Variants in ALG13 observed in about 807,000 individuals in gnomAD.
ALG13 encodes UDP-N-acetylglucosamine transferase subunit ALG13.
In ALG13, 11 loss-of-function variants were observed where a neutral mutation model predicts 87.8. The ratio of observed to expected loss-of-function variants is 0.13; its 90% CI spans 0.08 to 0.21. ALG13 has a LOEUF of 0.21. ALG13 is among the 10% of genes least tolerant of loss of function. ALG13 has a pLI of 1.00. For synonymous variants in ALG13, 320 were observed against 306.3 expected, an observed-to-expected ratio of 1.04 and a Z score of -0.47; for missense variants, 756 against 866.1, an observed-to-expected ratio of 0.87 and a Z score of 1.60.
chrX:111,718,256 A>G lies in ALG13; in HGVS notation c.1232A>G (p.Lys411Arg), dbSNP rs1222285164. Reference sequence around the variant, plus strand: ...AGCGAGGATGCCCATACTGATTACAAGAGTTCAAATCAGAATAGGTAATAA... The same window carrying G: ...AGCGAGGATGCCCATACTGATTACAGGAGTTCAAATCAGAATAGGTAATAA... Reference protein sequence around the residue: ...TGSEDAHTDYKSSNQNRMEEW... With the variant: ...TGSEDAHTDYRSSNQNRMEEW... The change falls in exon 10 of 27, where the codon AAG (lysine) becomes AGG (arginine). Residue 411 changes from lysine (K) to arginine (R), a missense_variant. Physicochemically the swap from Lys to Arg is conservative, Grantham distance 26 (BLOSUM62 2). This residue lies in a region of ALG13 where 48 missense variants were observed against 50.5 expected (regional missense o/e 0.95). Transcript: ENST00000394780. 1 of 1,192,108 alleles carries G rather than the reference A, an allele frequency of 8.4e-7. No homozygotes were observed. Among genetic ancestry groups the G allele is most frequent in the Non-Finnish European group, 1.1e-6 (1 of 885,113 alleles).
chrX:111,710,241 C>T (rs756442752), intron 5 of ALG13, among the ~76,000 whole-genome samples: 1 of 110,588 alleles, frequency 9.0e-6, no homozygotes, highest in Non-Finnish European at 1.9e-5. Flanking sequence ...CCATGTTGCC[C>T]AGACTGGTCT....
Position 111,682,142 on chromosome X carries a change from G to A in ALG13, c.92G>A (p.Ser31Asn), listed in dbSNP as rs762337561. The change falls in exon 2 of 27, where the codon AGC (serine) becomes AAC (asparagine). Residue 31 changes from serine (S) to asparagine (N), a missense_variant. Physicochemically the swap from Ser to Asn is conservative, Grantham distance 46. This residue lies in a region of ALG13 where 153 missense variants were observed against 168.7 expected (regional missense o/e 0.91). Transcript: ENST00000394780. ...GATTTCCTCTTTCAGAAAATCGAGA[G>A]CCTTGGTTACAACCGACTTATCCTG... is the stretch of plus-strand genomic sequence containing the variant. ...SAPDSLQKIE[S>N]LGYNRLILQI... 2 of 1,179,361 alleles carry A rather than the reference G, an allele frequency of 1.7e-6. No homozygotes were observed. Among genetic ancestry groups the A allele is most frequent in the Admixed American group, 2.5e-5 (1 of 40,329 alleles).
At position 111,685,102 on chromosome X, in the gene ALG13, A is replaced by G. The variant is rs1934600580; in HGVS notation, c.382A>G (p.Arg128Gly). 2 of 1,205,570 alleles carry G rather than the reference A, an allele frequency of 1.7e-6. No homozygotes were observed. The highest frequency in any genetic ancestry group is 1.8e-5 in the South Asian group (1 of 55,818). Reference protein sequence around the residue: ...KEGHLFYCTCRVLTCPGQAKS... With the variant: ...KEGHLFYCTCGVLTCPGQAKS... ...GGGTCATCTCTTCTATTGTACCTGC[A>G]GGTATGCTAGAGACTGATTATTATT... The change falls in exon 3 of 27, where the codon AGG (arginine) becomes GGG (glycine). Residue 128 changes from arginine (R) to glycine (G), a missense_variant and splice_region_variant. Around this residue, in one of 9 missense-constraint regions of ALG13, gnomAD observed 153 missense variants for 168.7 expected, o/e 0.91. Transcript: ENST00000394780.
intron 15 of ALG13, 38 bp from the exon 16 acceptor site, chrX:111,726,771 T>A (rs1942095213): frequency 5.0e-6 from 6 of 1,205,114 alleles, no homozygotes; most frequent in Non-Finnish European, 6.7e-6. Context: ...TTGCTTTGAT[T>A]ATGAAGCTTA....
intron 3 of ALG13, chrX:111,689,385 T>C (rs372656175): frequency 1.3e-6 from 1 of 753,679 alleles, no homozygotes. Context: ...TAGTTTATGA[T>C]GAAGAATTAA....
intron 25 of ALG13, among the ~76,000 whole-genome samples, chrX:111,756,473 CTG>C (rs988276516): frequency 4.5e-5 from 5 of 111,771 alleles, no homozygotes; most frequent in East Asian, 2.8e-4. Context: ...TTGCTCAACA[CTG>C]TTTTTTCACC....
chrX:111,744,746 C>G lies in ALG13; in HGVS notation c.2774C>G (p.Pro925Arg). 1 of 1,066,446 alleles carries G rather than the reference C, an allele frequency of 9.4e-7. No individual in the cohort carries two copies. The highest frequency in any genetic ancestry group is 1.2e-6 in the Non-Finnish European group (1 of 812,500). The allele number at this position is 1,066,446 out of a possible 1,213,427, so 87.9% of individuals were successfully genotyped here. Residue 925 changes from proline to arginine, a missense_variant, in exon 24 of 27, where the codon CCA becomes CGA. Pro to Arg is a moderately radical substitution (Grantham distance 103, BLOSUM62 -2). This residue lies in a region of ALG13 where 362 missense variants were observed against 383.5 expected (regional missense o/e 0.94). Coordinates refer to ENST00000394780, the MANE Select transcript of ALG13 (RefSeq NM_001099922.3). ...TCTCTACCACCACCACCACCACCAC[C>G]ACCACCACCACCACCACCACCACCT... ...GASLPPPPPP[P>R]PPPPPPPPPP...
At chrX:111,723,757 A>G (rs1200230416) in intron 13 of ALG13, 41 bp from the exon 14 acceptor site, 3 of 866,951 alleles carry the variant, frequency 3.5e-6, no homozygotes, top group Non-Finnish European at 4.9e-6. Flanking sequence ...CATTAGCTGT[A>G]TCTGTCACTA....
intron 2 of ALG13, among the ~76,000 whole-genome samples, chrX:111,683,125 T>G (rs1378931275): frequency 9.1e-6 from 1 of 110,211 alleles, no homozygotes; most frequent in Non-Finnish European, 1.9e-5. Context: ...GGCACTGCTC[T>G]GAATGCTTTG....
chrX:111,733,944 G>A (rs1482526486), intron 21 of ALG13, among the ~76,000 whole-genome samples: 7 of 111,990 alleles, frequency 6.3e-5, no homozygotes, highest in African/African-American at 2.3e-4. Context: ...TTGACCATTT[G>A]TATATCTTCT....
intron 25 of ALG13, chrX:111,753,168 T>G: frequency 7.1e-6 from 1 of 140,692 alleles, no homozygotes; most frequent in Non-Finnish European, 1.4e-5. Context: ...CCTAAAATAT[T>G]TTTATGACTA....
intron 23 of ALG13, among the ~76,000 whole-genome samples, chrX:111,738,606 A>G (rs1007395522): frequency 7.2e-5 from 8 of 111,726 alleles, no homozygotes; most frequent in African/African-American, 2.3e-4. Context: ...TGACATGATC[A>G]TGGCTCACTG....
At chrX:111,693,262 T>TTA (rs1556463776) in intron 3 of ALG13, among the ~76,000 whole-genome samples, 2 of 100,551 alleles carry the variant, frequency 2.0e-5, no homozygotes, top group African/African-American at 7.3e-5. Context: ...TGCTATTTAT[T>TTA]TTTTTTTTTT....
At chrX:111,688,123 A>G (rs1008887637) in intron 3 of ALG13, 12 of 851,299 alleles carry the variant, frequency 1.4e-5, no homozygotes, top group Non-Finnish European at 1.6e-5. Context: ...TCCTACATCT[A>G]TAGAATGTAT....
At chrX:111,738,562 G>A (rs192172679) in intron 23 of ALG13, among the ~76,000 whole-genome samples, 61 of 111,417 alleles carry the variant, frequency 5.5e-4, no homozygotes, top group Non-Finnish European at 5.8e-4. Context: ...TGTTTGAGAC[G>A]GGGTATTGCT....
intron 8 of ALG13, 109 bp from the exon 9 acceptor site, chrX:111,717,733 CAGTT>C (rs1385722046): frequency 3.2e-5 from 15 of 461,845 alleles, no homozygotes; most frequent in South Asian, 2.4e-4. Flanking sequence ...TAAAAAAATT[CAGTT>C]AGTTATCAGT....
intron 23 of ALG13, 126 bp from the exon 24 acceptor site, chrX:111,744,542 T>C: frequency 3.9e-6 from 3 of 776,426 alleles, no homozygotes; most frequent in South Asian, 2.5e-5. Context: ...CCAAGTTTTT[T>C]TTATACCCAA....
rs1011225054 is a variant in ALG13 at position 111,681,527 on chromosome X, C to A, written c.81+228C>A. On this transcript the variant is annotated intron_variant, in intron 1 of 26. Coordinates refer to ENST00000394780, the MANE Select transcript of ALG13 (RefSeq NM_001099922.3). ...TGTTTCCTCTTCCCATTATTCCGGC[C>A]GCTCCTCTCCCTCATTTCTTCAGCT... 10 of 979,737 alleles carry A rather than the reference C, an allele frequency of 1.0e-5. No individual in the cohort carries two copies. The Admixed American group carries it at 4.2e-4, about 41-fold the overall frequency. 80.7% of individuals were successfully genotyped at this position (979,737 alleles called of 1,213,427 possible).
chrX:111,731,769 T>A (rs755891675), intron 21 of ALG13, among the ~76,000 whole-genome samples: 2 of 112,435 alleles, frequency 1.8e-5, no homozygotes, highest in Non-Finnish European at 3.8e-5. Context: ...TACTAAGATT[T>A]GCTATAATTC....
Sources: gnomAD v4.1 joint callset for allele counts (sites outside exome capture counted in the v4.1 genomes callset) on GRCh38, gnomAD v4.1.1 for gene constraint, gnomAD v4.1.1 regional missense constraint, MANE v1.5 for transcripts, NCBI Gene and HGNC (gene_info 2026-07-23, HGNC 2026-07-21) for gene names.